Variants in CADM1 observed in about 807,000 individuals in gnomAD.
The protein encoded by CADM1 is TSLC-1.
A neutral mutation model predicts 53.1 loss-of-function variants in CADM1; 15 were observed. The observed-to-expected ratio is 0.28, with a 90% CI of 0.19 to 0.44. CADM1 has a LOEUF of 0.44. Ranked by LOEUF, CADM1 falls within the 20% of genes least tolerant of loss-of-function variation. The pLI is 1.00. For synonymous variants in CADM1, 281 were observed against 243.0 expected (o/e 1.16, Z -1.45); for missense variants, 434 against 611.3 (o/e 0.71, Z 3.06).
chr11:115,390,980 T>G (rs979177394), intron 1 of CADM1, among the ~76,000 whole-genome samples: 3 of 152,194 alleles, frequency 2.0e-5, no homozygotes, highest in Non-Finnish European at 4.4e-5. Flanking sequence ...CACTAATTTC[T>G]CATTCAGATT....
At chr11:115,350,043 C>T (rs1945685697) in intron 1 of CADM1, among the ~76,000 whole-genome samples, 1 of 152,152 alleles carries the variant, frequency 6.6e-6, no homozygotes, top group Non-Finnish European at 1.5e-5. Context: ...ATGATCTTGG[C>T]TCACTGCAAC....
At chr11:115,463,781 A>G (rs1948841387) in intron 1 of CADM1, among the ~76,000 whole-genome samples, 1 of 151,154 alleles carries the variant, frequency 6.6e-6, no homozygotes, top group Non-Finnish European at 1.5e-5. Context: ...TGCAAAGGAG[A>G]TAAGACCAGT....
chr11:115,334,306 GAAT>G (rs1013504479), intron 1 of CADM1, among the ~76,000 whole-genome samples: 19 of 152,068 alleles, frequency 1.2e-4, no homozygotes, highest in Non-Finnish European at 2.5e-4. Flanking sequence ...TTAGAAAGAA[GAAT>G]ATTATCAGCC....
Position 115,383,406 on chromosome 11 carries a change from C to T in CADM1, c.124+120865G>A, listed in dbSNP as rs183214692. ...TGAGATATGCTTCTATAGTTTGGACCATACAAGGTAAGAGCATGTTAATGG... is the reference window on the plus strand; with the variant it reads ...TGAGATATGCTTCTATAGTTTGGACTATACAAGGTAAGAGCATGTTAATGG... On this transcript the variant is annotated intron_variant, in intron 1 of 11. Transcript: ENST00000331581. Among the ~76,000 whole-genome samples the T allele has an allele frequency of 2.5e-3, 386 of 152,316 alleles. 1 individual carries two copies. Among genetic ancestry groups the T allele is most frequent in the African/African-American group, 8.9e-3 (372 of 41,570 alleles).
intron 10 of CADM1, among the ~76,000 whole-genome samples, chr11:115,188,458 G>A (rs1939683252): frequency 6.6e-6 from 1 of 152,190 alleles, no homozygotes; most frequent in Non-Finnish European, 1.5e-5. Flanking sequence ...TGAGAATGGA[G>A]CACCATATGT....
At chr11:115,474,245 A>G (rs1949077884) in intron 1 of CADM1, among the ~76,000 whole-genome samples, 1 of 141,646 alleles carries the variant, frequency 7.1e-6, no homozygotes, top group Admixed American at 7.3e-5. Context: ...GAGCTGAGAT[A>G]GCGCCACTGC....
At chr11:115,439,416 C>T (rs767190028) in intron 1 of CADM1, among the ~76,000 whole-genome samples, 6 of 152,150 alleles carry the variant, frequency 3.9e-5, no homozygotes, top group Non-Finnish European at 7.3e-5. Flanking sequence ...TGTTTTATTA[C>T]TTCAAACATC....
chr11:115,208,300 T>G (rs1400058801), intron 8 of CADM1, among the ~76,000 whole-genome samples: 2 of 152,196 alleles, frequency 1.3e-5, no homozygotes, highest in African/African-American at 4.8e-5. Flanking sequence ...TTTTCCACTG[T>G]AATGGGTAGA....
intron 1 of CADM1, among the ~76,000 whole-genome samples, chr11:115,349,450 C>T (rs941171373): frequency 1.3e-5 from 2 of 152,016 alleles, no homozygotes; most frequent in Non-Finnish European, 1.5e-5. Context: ...AGTTTGGGGG[C>T]GTAAACAGTA....
chr11:115,196,943 C>T (rs564950679), intron 9 of CADM1, among the ~76,000 whole-genome samples: 1 of 152,224 alleles, frequency 6.6e-6, no homozygotes, highest in African/African-American at 2.4e-5. Context: ...ATGTAGCAAG[C>T]ACTATGGGGC....
chr11:115,176,358 C>A lies in CADM1; in HGVS notation c.*116G>T. On this transcript the variant is annotated 3_prime_UTR_variant, in exon 12 of 12. Transcript: ENST00000331581. Reference sequence around the variant, plus strand: ...CAAATCCCAAGCCTTCCCAGTCTCACACCTTTCCACCCATTCATAAAAAAA... The same window carrying A: ...CAAATCCCAAGCCTTCCCAGTCTCAAACCTTTCCACCCATTCATAAAAAAA... 6.3e-7 allele frequency: 1 copy of A among 1,586,026 alleles called. No homozygotes were observed. Among genetic ancestry groups the A allele is most frequent in the Non-Finnish European group, 8.6e-7 (1 of 1,162,610 alleles).
At chr11:115,487,616 G>A (rs867697502) in intron 1 of CADM1, among the ~76,000 whole-genome samples, 2 of 152,140 alleles carry the variant, frequency 1.3e-5, no homozygotes, top group Middle Eastern at 3.2e-3. Flanking sequence ...GATTCATGCT[G>A]TTGCATGAAT....
intron 11 of CADM1, among the ~76,000 whole-genome samples, chr11:115,176,956 C>G (rs930110465): frequency 1.3e-5 from 2 of 152,104 alleles, no homozygotes; most frequent in African/African-American, 2.4e-5. Flanking sequence ...GATATGTGCA[C>G]GTACATTGTT....
chr11:115,234,920 A>AATTTGCCC (rs1555046351), intron 3 of CADM1, among the ~76,000 whole-genome samples: 4 of 146,414 alleles, frequency 2.7e-5, no homozygotes, highest in African/African-American at 7.7e-5. Flanking sequence ...AAAAAAAAAA[A>AATTTGCCC]ATTTGCCCAG....
intron 1 of CADM1, among the ~76,000 whole-genome samples, chr11:115,372,127 T>C (rs1324561648): frequency 1.3e-5 from 2 of 152,168 alleles, no homozygotes; most frequent in East Asian, 1.9e-4. Flanking sequence ...AGTAAGATCA[T>C]ATAATATATT....
At chr11:115,471,414 A>G (rs573981081) in intron 1 of CADM1, among the ~76,000 whole-genome samples, 1 of 152,338 alleles carries the variant, frequency 6.6e-6, no homozygotes, top group East Asian at 1.9e-4. Flanking sequence ...AGGAATTAGA[A>G]GTGACTAAGA....
chr11:115,444,828 G>A (rs1050744938), intron 1 of CADM1, among the ~76,000 whole-genome samples: 2 of 152,172 alleles, frequency 1.3e-5, no homozygotes, highest in African/African-American at 4.8e-5. Context: ...AGGTCAGTAA[G>A]CAGATTAGGA....
intron 1 of CADM1, among the ~76,000 whole-genome samples, chr11:115,272,158 T>G (rs1253334440): frequency 6.6e-6 from 1 of 152,146 alleles, no homozygotes; most frequent in Admixed American, 6.5e-5. Flanking sequence ...ACAGATGCAT[T>G]ATTAAAATCC....
At chr11:115,289,593 C>A (rs867890426) in intron 1 of CADM1, among the ~76,000 whole-genome samples, 2 of 109,054 alleles carry the variant, frequency 1.8e-5, no homozygotes, top group Non-Finnish European at 3.8e-5. Flanking sequence ...CTTTTTTTTT[C>A]TTTTTTTTTT....
Sources: gnomAD v4.1 joint callset for allele counts (sites outside exome capture counted in the v4.1 genomes callset) on GRCh38, gnomAD v4.1.1 for gene constraint, MANE v1.5 for transcripts, NCBI Gene and HGNC (gene_info 2026-07-23, HGNC 2026-07-21) for gene names.